Variants in MOCOS observed in about 807,000 individuals in gnomAD.
MOCOS encodes the protein human molybdenum cofactor sulfurase.
A neutral mutation model predicts 83.6 loss-of-function variants in MOCOS; 86 were observed. The observed-to-expected ratio is 1.03, with a 90% CI of 0.86 to 1.23. MOCOS has a LOEUF of 1.23. Among genes scored for constraint, MOCOS ranks in the 50% most tolerant of loss-of-function variants. The pLI is 0.00. For synonymous variants in MOCOS, 445 were observed against 434.7 expected (o/e 1.02, Z -0.29); for missense variants, 1,120 against 1,126.9 (o/e 0.99, Z 0.09).
At chr18:36,245,007 A>G (rs2091597538) in intron 9 of MOCOS, among the ~76,000 whole-genome samples, 1 of 152,124 alleles carries the variant, frequency 6.6e-6, no homozygotes, top group Admixed American at 6.6e-5. Flanking sequence ...CATCAAGTTT[A>G]TATGAGTCCT....
Position 36,215,501 on chromosome 18 carries a change from T to C in MOCOS, c.1336-15T>C, listed in dbSNP as rs1316845241. The C allele has an allele frequency of 6.2e-7, 1 of 1,611,992 alleles. No individual in the cohort carries two copies. The highest frequency in any genetic ancestry group is 1.7e-5 in the Admixed American group (1 of 59,874). On this transcript the variant is annotated splice_polypyrimidine_tract_variant and intron_variant, in intron 7 of 14. Coordinates refer to ENST00000261326, the MANE Select transcript of MOCOS (RefSeq NM_017947.4). ...AAGGGGTCACTCTGGCTGATGCACT[T>C]CCCTCTTATCCTAGGCTGGTCATGT...
intron 9 of MOCOS, among the ~76,000 whole-genome samples, chr18:36,234,207 T>C (rs1020839392): frequency 2.6e-5 from 4 of 152,252 alleles, no homozygotes; most frequent in Non-Finnish European, 5.9e-5. Context: ...TTGATTTTTG[T>C]ATAAGGTGAG....
intron 9 of MOCOS, among the ~76,000 whole-genome samples, chr18:36,244,786 A>G (rs1180371593): frequency 6.6e-6 from 1 of 152,108 alleles, no homozygotes; most frequent in Non-Finnish European, 1.5e-5. Flanking sequence ...ATTGTTTTAT[A>G]AATTTGAGAA....
intron 8 of MOCOS, among the ~76,000 whole-genome samples, chr18:36,218,532 C>T (rs966457523): frequency 6.6e-6 from 1 of 151,854 alleles, no homozygotes; most frequent in Non-Finnish European, 1.5e-5. Context: ...ATTATTTTTT[C>T]GAGATGGGAT....
Position 36,257,019 on chromosome 18 carries a change from AT to A in MOCOS, c.2217del (p.Leu740CysfsTer2). On this transcript the variant is annotated frameshift_variant, in exon 12 of 15. Coordinates refer to ENST00000261326, the MANE Select transcript of MOCOS (RefSeq NM_017947.4). LOFTEE classifies it high-confidence loss of function. Reference protein sequence around the residue: ...ATLSLVNEAQYLLINTSSILE... With the variant: ...ATLSLVNEAQXLLINTSSILE... ...CTTTCTCTGGTGAATGAGGCACAGT[AT>A]CTGCTGATCAACACATCCAGTATTT... 2 of 1,614,194 alleles carry A rather than the reference AT, an allele frequency of 1.2e-6. No homozygotes were observed. The highest frequency in any genetic ancestry group is 2.2e-5 in the South Asian group (2 of 91,088).
intron 8 of MOCOS, among the ~76,000 whole-genome samples, chr18:36,216,492 T>A (rs2091476698): frequency 6.6e-6 from 1 of 152,114 alleles, no homozygotes. Flanking sequence ...TGATGAGTGG[T>A]GAGCATTTGA....
chr18:36,246,292 TCA>T (rs2091601809), intron 9 of MOCOS, among the ~76,000 whole-genome samples: 1 of 152,232 alleles, frequency 6.6e-6, no homozygotes, highest in Non-Finnish European at 1.5e-5. Flanking sequence ...GGGCTGCTAT[TCA>T]CATTCTTTTG....
At chr18:36,240,575 C>A (rs370603423) in intron 9 of MOCOS, among the ~76,000 whole-genome samples, 18 of 151,934 alleles carry the variant, frequency 1.2e-4, no homozygotes, top group Non-Finnish European at 2.5e-4. Context: ...GCAGAGGTTA[C>A]TGCTGTCTTT....
intron 10 of MOCOS, among the ~76,000 whole-genome samples, chr18:36,250,198 A>G (rs1460690902): frequency 1.3e-5 from 2 of 152,198 alleles, no homozygotes; most frequent in African/African-American, 4.8e-5. Flanking sequence ...AGATTTATGT[A>G]TAATAAAAAA....
At chr18:36,224,089 T>C (rs2091506783) in intron 9 of MOCOS, among the ~76,000 whole-genome samples, 1 of 152,194 alleles carries the variant, frequency 6.6e-6, no homozygotes, top group Non-Finnish European at 1.5e-5. Context: ...AGTTTGTTTT[T>C]AGTGTATAGA....
chr18:36,222,700 C>T (rs567999587), intron 9 of MOCOS, among the ~76,000 whole-genome samples: 1 of 151,540 alleles, frequency 6.6e-6, no homozygotes, highest in East Asian at 2.0e-4. Context: ...CTTCCAGGTT[C>T]ACGCCATTCT....
At position 36,260,141 on chromosome 18, in the gene MOCOS, G is replaced by A; in HGVS notation, c.2375G>A (p.Trp792Ter). Residue 792 changes from tryptophan (W) to a stop codon, truncating the protein, a stop_gained, in exon 13 of 15, where the codon TGG (tryptophan) becomes TAG (stop). Transcript: ENST00000261326. LOFTEE classifies it high-confidence loss of function. ...AAAAGGGCTTTTGAAGAAGAGAAAT[G>A]GGATGAGATTTCAATTGGCTCTTTG... ...NGKRAFEEEK[W>*]DEISIGSLRF... 6.2e-7 allele frequency: 1 copy of A among 1,614,180 alleles called. No homozygotes were observed. The highest frequency in any genetic ancestry group is 1.1e-5 in the South Asian group (1 of 91,078).
intron 1 of MOCOS, among the ~76,000 whole-genome samples, chr18:36,193,108 G>A (rs1250540352): frequency 4.7e-5 from 7 of 149,314 alleles, no homozygotes; most frequent in African/African-American, 1.7e-4. Context: ...TCAGGAGATC[G>A]AGACCATCCT....
At chr18:36,259,393 G>C (rs1457572942) in intron 12 of MOCOS, among the ~76,000 whole-genome samples, 1 of 147,470 alleles carries the variant, frequency 6.8e-6, no homozygotes, top group Non-Finnish European at 1.5e-5. Flanking sequence ...AGGCTGCAAT[G>C]AGCTGAGATT....
intron 11 of MOCOS, among the ~76,000 whole-genome samples, chr18:36,255,663 A>AG (rs2144145877): frequency 6.6e-6 from 1 of 152,260 alleles, no homozygotes; most frequent in East Asian, 1.9e-4. Context: ...TCTGGAGGGC[A>AG]GTTCTCTCAA....
intron 7 of MOCOS, among the ~76,000 whole-genome samples, 166 bp downstream of exon 7, chr18:36,213,648 G>T (rs999252426): frequency 1.3e-5 from 2 of 152,232 alleles, no homozygotes; most frequent in Non-Finnish European, 2.9e-5. Flanking sequence ...CTTCAAGAAG[G>T]CCGGGTGCGG....
rs573556258 is a variant in MOCOS at position 36,234,189 on chromosome 18, A to G, written c.1960+13972A>G. On this transcript the variant is annotated intron_variant, in intron 9 of 14. Transcript: ENST00000261326. ...TGTCTTAGATTTAAGTCTTTGATCC[A>G]TCTTCAGTTGATTTTTGTATAAGGT... Among the ~76,000 whole-genome samples, 50 of 152,274 alleles carry G rather than the reference A, an allele frequency of 3.3e-4. 1 individual carries two copies. Among genetic ancestry groups the G allele is most frequent in the Middle Eastern group, 3.4e-3 (1 of 294 alleles).
At position 36,251,245 on chromosome 18, in the gene MOCOS, C is replaced by G. The variant is rs938716384; in HGVS notation, c.2126C>G (p.Ser709Ter). ...GRPCHLIKQSSNSQRNAKKKH... is the reference protein window; with the variant it reads ...GRPCHLIKQS Reference sequence around the variant, plus strand: ...CCTTGTCATTTGATCAAACAAAGTTCAAACTCTCAAAGGAATGCAAAGAAG... The same window carrying G: ...CCTTGTCATTTGATCAAACAAAGTTGAAACTCTCAAAGGAATGCAAAGAAG... Residue 709 changes from serine (S) to a stop codon, truncating the protein, a stop_gained, in exon 11 of 15, where the codon TCA becomes TGA. Coordinates refer to ENST00000261326, the MANE Select transcript of MOCOS (RefSeq NM_017947.4). LOFTEE classifies it high-confidence loss of function. 1.2e-6 allele frequency: 2 copies of G among 1,613,926 alleles called. No homozygotes were observed. The highest frequency in any genetic ancestry group is 1.7e-6 in the Non-Finnish European group (2 of 1,179,954).
intron 13 of MOCOS, among the ~76,000 whole-genome samples, chr18:36,262,508 C>T: frequency 6.6e-6 from 1 of 152,002 alleles, no homozygotes; most frequent in Middle Eastern, 3.4e-3. Flanking sequence ...CTGCACCTTT[C>T]TTTTTTTTGA....
Sources: gnomAD v4.1 joint callset for allele counts (sites outside exome capture counted in the v4.1 genomes callset) on GRCh38, gnomAD v4.1.1 for gene constraint, MANE v1.5 for transcripts, NCBI Gene and HGNC (gene_info 2026-07-23, HGNC 2026-07-21) for gene names.